Variants in SH3TC2 observed in about 807,000 individuals in gnomAD.
SH3TC2 encodes the protein SH3 domain and tetratricopeptide repeat-containing protein 2.
A neutral mutation model predicts 124.5 loss-of-function variants in SH3TC2; 87 were observed. The ratio of observed to expected loss-of-function variants is 0.70; its 90% CI spans 0.59 to 0.84. The LOEUF (loss-of-function observed/expected upper bound fraction) is 0.84. SH3TC2 is among the 40% of genes least tolerant of loss of function. The probability of loss-of-function intolerance (pLI) is 0.00; values close to 1 mark genes in which losing one functional copy is unlikely to be tolerated. For synonymous variants in SH3TC2, 634 were observed against 628.5 expected, an observed-to-expected ratio of 1.01 and a Z score of -0.13; for missense variants, 1,536 against 1,566.4, an observed-to-expected ratio of 0.98 and a Z score of 0.33.
chr5:149,047,667 C>A, intron 3 of SH3TC2, 195 bp downstream of exon 3: 1 of 705,838 alleles, frequency 1.4e-6, no homozygotes, highest in Non-Finnish European at 2.4e-6. Context: ...CAAGTTGCCT[C>A]ATTCAGAGTT....
intron 12 of SH3TC2, among the ~76,000 whole-genome samples, chr5:149,018,553 G>T (rs1052128931): frequency 2.6e-5 from 4 of 152,138 alleles, no homozygotes; most frequent in Non-Finnish European, 5.9e-5. Flanking sequence ...AAAACCATCA[G>T]ATCGCATGAG....
intron 9 of SH3TC2, 32 bp downstream of exon 9, chr5:149,031,522 G>A: frequency 6.2e-7 from 1 of 1,613,892 alleles, no homozygotes; most frequent in South Asian, 1.1e-5. Context: ...AGGACCCCAG[G>A]CTTTTGAAGG....
rs1383801011 is a variant in SH3TC2, at chr5:148,999,864, C to T, written c.*4847G>A. The stretch of plus-strand genomic sequence containing the variant: ...CCTCAACCTCCAGGTAGAATCCAAA[C>T]CCTCTTTGCTTCCCTGAATCTGCTC... On this transcript the variant is annotated 3_prime_UTR_variant, in exon 17 of 17. Coordinates refer to ENST00000515425, the MANE Select transcript of SH3TC2 (RefSeq NM_024577.4). 7.0e-6 allele frequency among the ~76,000 whole-genome samples: 1 copy of T among 143,832 alleles called. No individual in the cohort carries two copies. The highest frequency in any genetic ancestry group is 1.6e-5 in the Non-Finnish European group (1 of 61,996). 94.4% of individuals were successfully genotyped at this position (143,832 alleles called of 152,430 possible). A position where few individuals can be genotyped will look rare whatever the true frequency, so the allele number is the denominator to read the frequency against.
intron 13 of SH3TC2, among the ~76,000 whole-genome samples, chr5:149,010,677 G>A (rs1258338782): frequency 1.3e-5 from 2 of 151,572 alleles, no homozygotes; most frequent in Admixed American, 1.3e-4. Flanking sequence ...TTATTTTAAT[G>A]TGTTTTAGAA....
chr5:149,007,521 A>G (rs2127392122), intron 15 of SH3TC2: 1 of 295,202 alleles, frequency 3.4e-6, no homozygotes, highest in East Asian at 7.6e-5. Flanking sequence ...ATCACTCTGT[A>G]TAATAAATGT....
At chr5:149,014,379 C>T (rs937451346) in intron 12 of SH3TC2, among the ~76,000 whole-genome samples, 4 of 152,236 alleles carry the variant, frequency 2.6e-5, no homozygotes, top group Admixed American at 6.5e-5. Flanking sequence ...TCATCAATCA[C>T]ATCTATGGAC....
At chr5:149,056,128 A>G (rs1383823126) in intron 1 of SH3TC2, among the ~76,000 whole-genome samples, 1 of 151,470 alleles carries the variant, frequency 6.6e-6, no homozygotes, top group Non-Finnish European at 1.5e-5. Context: ...CTTTTATTTT[A>G]GGTTTCGGGG....
intron 12 of SH3TC2, among the ~76,000 whole-genome samples, chr5:149,019,874 C>A (rs936120500): frequency 6.6e-6 from 1 of 152,112 alleles, no homozygotes; most frequent in South Asian, 2.1e-4. Context: ...CTGAAGGAGA[C>A]AATGAGCTTG....
rs1328251688 is a variant in SH3TC2, at chr5:148,983,322, G to T, written c.*21389C>A. Among the ~76,000 whole-genome samples the T allele has an allele frequency of 6.6e-6, 1 of 152,182 alleles. No individual in the cohort carries two copies. Among genetic ancestry groups the T allele is most frequent in the Non-Finnish European group, 1.5e-5 (1 of 68,038 alleles). On this transcript the variant is annotated 3_prime_UTR_variant, in exon 17 of 17. Transcript: ENST00000515425. ...CATCTCTCTGAAGAGGGGCACCTGG[G>T]TGTCATGAATACACCTGTGGCCTAA...
intron 12 of SH3TC2, among the ~76,000 whole-genome samples, chr5:149,014,515 T>C (rs971846163): frequency 1.3e-5 from 2 of 152,204 alleles, no homozygotes; most frequent in Non-Finnish European, 2.9e-5. Flanking sequence ...CGGATCCTTA[T>C]TGGCAATGAG....
rs1205390577 is a variant in SH3TC2, at chr5:148,990,113, C to A, written c.*14598G>T. 6.6e-6 allele frequency among the ~76,000 whole-genome samples: 1 copy of A among 152,020 alleles called. No individual in the cohort carries two copies. Among genetic ancestry groups the A allele is most frequent in the East Asian group, 1.9e-4 (1 of 5,186 alleles). On this transcript the variant is annotated 3_prime_UTR_variant, in exon 17 of 17. Coordinates refer to ENST00000515425, the MANE Select transcript of SH3TC2 (RefSeq NM_024577.4). ...AACCATCCTGGGGAAACTGAGATAG[C>A]CCCAAAGTAGGTTTCATGATGGTAT...
chr5:149,015,434 C>T (rs894137242), intron 12 of SH3TC2, among the ~76,000 whole-genome samples: 2 of 152,224 alleles, frequency 1.3e-5, no homozygotes. Flanking sequence ...CCGCCACCCA[C>T]AGACTCTAGG....
rs1753634886 is a variant in SH3TC2, at chr5:149,003,803, A to T, written c.*908T>A. ...GAGTCTGAGGTCGCAGGAAGCCCTG[A>T]CTGTACCACTGAACTCCAGCCTGGG... On this transcript the variant is annotated 3_prime_UTR_variant, in exon 17 of 17. Transcript: ENST00000515425. The T allele has an allele frequency of 2.3e-6, 1 of 429,408 alleles. No homozygotes were observed. Among genetic ancestry groups the T allele is most frequent in the South Asian group, 1.6e-5 (1 of 61,294 alleles). The allele number at this position is 429,408 out of a possible 1,614,324, so 26.6% of individuals were successfully genotyped here.
At chr5:149,004,979 C>T (rs1753661821) in intron 16 of SH3TC2, 77 bp from the exon 17 acceptor site, 42 of 1,537,972 alleles carry the variant, frequency 2.7e-5, no homozygotes, top group Non-Finnish European at 3.7e-5. Flanking sequence ...GCTGTGCTGG[C>T]CACTCTAGTT....
rs911885493 is a variant in SH3TC2 at position 148,988,087 on chromosome 5, T to A, written c.*16624A>T. ...ACTTACCTAATATTTTTCCTGCATG[T>A]CTTAAGGACAAGGCTGGGTTCTTTT... On this transcript the variant is annotated 3_prime_UTR_variant, in exon 17 of 17. Coordinates refer to ENST00000515425, the MANE Select transcript of SH3TC2 (RefSeq NM_024577.4). Among the ~76,000 whole-genome samples the A allele has an allele frequency of 6.6e-5, 10 of 152,154 alleles. No homozygotes were observed. Among genetic ancestry groups the A allele is most frequent in the Admixed American group, 6.5e-4 (10 of 15,278 alleles).
chr5:149,041,532 T>A lies in SH3TC2; in HGVS notation c.615A>T (p.Leu205Phe). 1 of 1,614,192 alleles carries A rather than the reference T, an allele frequency of 6.2e-7. No homozygotes were observed. ...GECLTLCKNELISVKMAEAGS... is the reference protein window; with the variant it reads ...GECLTLCKNEFISVKMAEAGS... ...CAGCTTCTGCCATCTTCACTGAGAT[T>A]AACTCATTCTTGCAAAGTGTCAAGC... Residue 205 changes from leucine to phenylalanine, a missense_variant, in exon 6 of 17, where the codon TTA (leucine) becomes TTT (phenylalanine). Physicochemically the swap from Leu to Phe is conservative, Grantham distance 22. Coordinates refer to ENST00000515425, the MANE Select transcript of SH3TC2 (RefSeq NM_024577.4).
intron 15 of SH3TC2, 31 bp downstream of exon 15, chr5:149,008,820 T>C (rs897914801): frequency 1.9e-6 from 3 of 1,613,372 alleles, no homozygotes; most frequent in Admixed American, 1.7e-5. Context: ...ACCCCTCTCA[T>C]TCAACACACC....
In SH3TC2 at chr5:149,044,642, CG is replaced by C. The variant is rs1754427836; in HGVS notation, c.280-5del. On this transcript the variant is annotated splice_region_variant and splice_polypyrimidine_tract_variant and intron_variant, in intron 3 of 16. Transcript: ENST00000515425. ...TGACCAACCTTGCTGAGAGGTCCTA[CG>C]TAAAGGAAACAATGAGTCAGCCTGG... The C allele has an allele frequency of 6.2e-7, 1 of 1,611,828 alleles. No individual in the cohort carries two copies. Among genetic ancestry groups the C allele is most frequent in the Non-Finnish European group, 8.5e-7 (1 of 1,178,106 alleles).
At chr5:149,040,569 T>C in intron 7 of SH3TC2, 35 bp downstream of exon 7, 1 of 1,578,100 alleles carries the variant, frequency 6.3e-7, no homozygotes, top group Non-Finnish European at 8.7e-7. Flanking sequence ...CAACATTATC[T>C]CCCTAACAAT....
Sources: allele counts gnomAD v4.1 joint callset (sites outside exome capture counted in the v4.1 genomes callset), GRCh38; gene constraint gnomAD v4.1.1; transcripts MANE v1.5; gene names NCBI Gene and HGNC (gene_info 2026-07-23, HGNC 2026-07-21).